The following SLC43A3 variants were observed in gnomAD, a reference collection of about 807,000 sequenced individuals.
The protein encoded by SLC43A3 is equilibrative nucleobase transporter 1.
Under a neutral mutation model 53.3 loss-of-function variants are expected in SLC43A3, and 33 were observed. The observed-to-expected ratio is 0.62, with a 90% CI of 0.47 to 0.83. The LOEUF (loss-of-function observed/expected upper bound fraction) is 0.83, where lower values mean the gene tolerates loss of function less well. Ranked by LOEUF, SLC43A3 falls within the 40% of genes least tolerant of loss-of-function variation. SLC43A3 has a pLI of 0.00. For synonymous variants in SLC43A3, 236 were observed against 246.2 expected (o/e 0.96, Z 0.39); for missense variants, 530 against 610.0 (o/e 0.87, Z 1.38).
intron 9 of SLC43A3, 199 bp from the exon 10 acceptor site, chr11:57,415,305 C>T: frequency 1.3e-6 from 2 of 1,525,196 alleles, no homozygotes; most frequent in Non-Finnish European, 1.8e-6. Flanking sequence ...GGCCCTACCA[C>T]CTTGGATGAC....
At chr11:57,423,397 G>T (rs1382775247) in intron 5 of SLC43A3, among the ~76,000 whole-genome samples, 1 of 152,142 alleles carries the variant, frequency 6.6e-6, no homozygotes, top group Non-Finnish European at 1.5e-5. Flanking sequence ...GGAGAAGGAT[G>T]TAAAGGTTTT....
rs562234422 is a variant in SLC43A3 at position 57,416,113 on chromosome 11, C to G, written c.769+460G>C. 1.4e-4 allele frequency among the ~76,000 whole-genome samples: 22 copies of G among 152,290 alleles called. No homozygotes were observed. In the East Asian group the frequency reaches 3.9e-3, roughly 27 times the overall value. ...GCATCTCCCATCTCCTCTCCCACCC[C>G]GTTCTTATTTCTACTGTAGCTAGCT... On this transcript the variant is annotated intron_variant, in intron 9 of 13. Transcript: ENST00000395124.
chr11:57,422,416 GA>G (rs1425032873), intron 5 of SLC43A3, among the ~76,000 whole-genome samples: 2 of 152,172 alleles, frequency 1.3e-5, no homozygotes, highest in Non-Finnish European at 2.9e-5. Flanking sequence ...CAGAAGGACT[GA>G]AAGAGAAATA....
intron 4 of SLC43A3, among the ~76,000 whole-genome samples, chr11:57,424,768 T>TG (rs1943135974): frequency 6.6e-6 from 1 of 152,244 alleles, no homozygotes; most frequent in Non-Finnish European, 1.5e-5. Context: ...GGCTTTACTC[T>TG]GGCTGTTTCC....
Position 57,426,231 on chromosome 11 carries a change from G to T in SLC43A3, c.-59C>A. On this transcript the variant is annotated 5_prime_UTR_variant, in exon 3 of 14. Coordinates refer to ENST00000395124, the MANE Select transcript of SLC43A3 (RefSeq NM_199329.3). The stretch of plus-strand genomic sequence containing the variant: ...TTGTCCTCCTGGACGGATCACAGGC[G>T]CCGTAAGCCTGGCGTTTGAGCACTT... The T allele has an allele frequency of 1.3e-6, 2 of 1,533,484 alleles. No homozygotes were observed. The highest frequency in any genetic ancestry group is 8.9e-7 in the Non-Finnish European group (1 of 1,120,830). 95.0% of individuals were successfully genotyped at this position (1,533,484 alleles called of 1,614,324 possible).
chr11:57,425,458 A>T, intron 4 of SLC43A3, 83 bp downstream of exon 4: 1 of 1,483,858 alleles, frequency 6.7e-7, no homozygotes, highest in South Asian at 1.2e-5. Flanking sequence ...GGGCTGTCTG[A>T]CTCTGGATTT....
chr11:57,409,116 G>A (rs1942334745), intron 13 of SLC43A3, 59 bp downstream of exon 13: 2 of 1,591,308 alleles, frequency 1.3e-6, no homozygotes, highest in Non-Finnish European at 8.6e-7. Context: ...CAGATTTGGG[G>A]CAGCCAAGGC....
rs1319256903 is a variant in SLC43A3, at chr11:57,426,233, C to T, written c.-61G>A. 17 of 1,531,424 alleles carry T rather than the reference C, an allele frequency of 1.1e-5. No individual in the cohort carries two copies. The highest frequency in any genetic ancestry group is 1.4e-5 in the Non-Finnish European group (16 of 1,119,752). The allele number at this position is 1,531,424 out of a possible 1,614,324, so 94.9% of individuals were successfully genotyped here. Reference sequence around the variant, plus strand: ...GTCCTCCTGGACGGATCACAGGCGCCGTAAGCCTGGCGTTTGAGCACTTGG... The same window carrying T: ...GTCCTCCTGGACGGATCACAGGCGCTGTAAGCCTGGCGTTTGAGCACTTGG... On this transcript the variant is annotated 5_prime_UTR_variant, in exon 3 of 14. Transcript: ENST00000395124.
intron 12 of SLC43A3, 117 bp downstream of exon 12, chr11:57,409,818 C>T: frequency 1.0e-6 from 1 of 973,842 alleles, no homozygotes; most frequent in Non-Finnish European, 1.5e-6. Flanking sequence ...GCCCCCAAAC[C>T]CAGTCTCCCG....
At chr11:57,408,806 G>T (rs1191975010) in intron 13 of SLC43A3, 1 of 211,814 alleles carries the variant, frequency 4.7e-6, no homozygotes, top group Non-Finnish European at 9.6e-6. Flanking sequence ...CCTAGAGCAG[G>T]ACCTCAGAGC....
rs766596033 is a variant in SLC43A3, at chr11:57,415,073, C to T, written c.803G>A (p.Arg268His). 25 of 1,613,156 alleles carry T rather than the reference C, an allele frequency of 1.5e-5. No individual in the cohort carries two copies. The highest frequency in any genetic ancestry group is 1.1e-4 in the African/African-American group (8 of 74,928). Residue 268 changes from arginine to histidine, a missense_variant, in exon 10 of 14, where the codon CGC (arginine) becomes CAC (histidine). Physicochemically the swap from Arg to His is conservative, Grantham distance 29. Coordinates refer to ENST00000395124, the MANE Select transcript of SLC43A3 (RefSeq NM_199329.3). ...AGAGAAAGCGTAGCTCCAGAAGGAG[C>T]GGAGTTCCTGCTTCTGCCCTGCCCC... is the stretch of plus-strand genomic sequence containing the variant. ...TPGAGQKQEL[R>H]SFWSYAFSRR...
intron 11 of SLC43A3, among the ~76,000 whole-genome samples, chr11:57,410,850 T>C (rs373346889): frequency 4.6e-5 from 7 of 152,312 alleles, no homozygotes; most frequent in African/African-American, 9.6e-5. Context: ...TGATAGTGAA[T>C]AAATCTCACG....
intron 11 of SLC43A3, among the ~76,000 whole-genome samples, chr11:57,413,025 A>G (rs1942553351): frequency 6.6e-6 from 1 of 151,042 alleles, no homozygotes; most frequent in South Asian, 2.1e-4. Flanking sequence ...AGGAGAACAG[A>G]GGAAACCCAT....
Position 57,425,868 on chromosome 11 carries a change from G to A in SLC43A3, c.184+121C>T, listed in dbSNP as rs145180926. 929 of 1,336,500 alleles carry A rather than the reference G, an allele frequency of 7.0e-4. 3 individuals carry two copies. In the African/African-American group the frequency reaches 0.012, roughly 17 times the overall value. 82.8% of individuals were successfully genotyped at this position (1,336,500 alleles called of 1,614,324 possible). A position where few individuals can be genotyped will look rare whatever the true frequency, so the allele number is the denominator to read the frequency against. On this transcript the variant is annotated intron_variant, in intron 3 of 13. Transcript: ENST00000395124. Reference sequence around the variant, plus strand: ...ACTTCCCAGATCAAGTGGGGTGAGAGCTGCTGACCCTTCCTCTCATCATAG... The same window carrying A: ...ACTTCCCAGATCAAGTGGGGTGAGAACTGCTGACCCTTCCTCTCATCATAG...
intron 11 of SLC43A3, among the ~76,000 whole-genome samples, chr11:57,413,489 G>A (rs2134995307): frequency 6.6e-6 from 1 of 152,290 alleles, no homozygotes; most frequent in East Asian, 1.9e-4. Flanking sequence ...CGGGTATAGA[G>A]AAATATTTAC....
chr11:57,425,621 G>C lies in SLC43A3; in HGVS notation c.234C>G (p.Ser78=). The change falls in exon 4 of 14, where the codon TCC becomes TCG. Residue 78 remains serine, a synonymous_variant. Transcript: ENST00000395124. ...ERFSLIFTLG[S]FMNNFMTFPT... is the part of the protein sequence containing the mutation. ...GGAATGTCATGAAGTTGTTCATGAA[G>C]GACCCCAGGGTGAAGATGAGTGAGA... The C allele has an allele frequency of 6.2e-7, 1 of 1,614,158 alleles. No homozygotes were observed. The highest frequency in any genetic ancestry group is 8.5e-7 in the Non-Finnish European group (1 of 1,180,028).
intron 13 of SLC43A3, 86 bp downstream of exon 13, chr11:57,409,089 A>G: frequency 7.3e-7 from 1 of 1,367,710 alleles, no homozygotes; most frequent in Non-Finnish European, 1.0e-6. Flanking sequence ...CATGCTACAT[A>G]CCCAGGCCAT....
rs138681524 is a variant in SLC43A3, at chr11:57,417,246, T to C, written c.671+502A>G. On this transcript the variant is annotated intron_variant, in intron 8 of 13. Transcript: ENST00000395124. ...CCATGCCCTGAATCTGGGCCAGCCT[T>C]GTGAACTGCTTCAGCCAAAAGAATG... 5.4e-3 allele frequency among the ~76,000 whole-genome samples: 820 copies of C among 152,344 alleles called. 2 individuals are homozygous for C. The highest frequency in any genetic ancestry group is 0.019 in the African/African-American group (779 of 41,582).
chr11:57,419,975 C>A (rs1336041066), intron 7 of SLC43A3, among the ~76,000 whole-genome samples: 6 of 152,204 alleles, frequency 3.9e-5, no homozygotes, highest in Admixed American at 3.3e-4. Flanking sequence ...TGGGACTAAG[C>A]TAGACTCATG....
Sources: allele counts gnomAD v4.1 joint callset (sites outside exome capture counted in the v4.1 genomes callset), GRCh38; gene constraint gnomAD v4.1.1; transcripts MANE v1.5; gene names NCBI Gene and HGNC (gene_info 2026-07-23, HGNC 2026-07-21).